The following CNBD1 variants were observed in gnomAD, a reference collection of about 807,000 sequenced individuals.
The protein encoded by CNBD1 is cyclic nucleotide binding domain containing 1.
CNBD1 carries 71 observed loss-of-function variants against 54.4 expected under a neutral mutation model. The observed-to-expected ratio is 1.30, with a 90% CI of 1.08 to 1.59. The LOEUF (loss-of-function observed/expected upper bound fraction) is 1.59, where lower values mean the gene tolerates loss of function less well. Ranked by LOEUF, CNBD1 falls within the 40% of genes most tolerant of loss-of-function variation. CNBD1 has a pLI of 0.00. For missense variants in CNBD1, 659 were observed against 518.0 expected (o/e 1.27, Z -2.64); for synonymous variants, 182 against 170.7 (o/e 1.07, Z -0.51).
At chr8:87,331,090 G>C (rs949333036) in intron 8 of CNBD1, among the ~76,000 whole-genome samples, 2 of 151,992 alleles carry the variant, frequency 1.3e-5, no homozygotes, top group Non-Finnish European at 2.9e-5. Flanking sequence ...GGATACATGT[G>C]CAGAACATGA....
chr8:87,197,903 C>A (rs1046823044), intron 4 of CNBD1, among the ~76,000 whole-genome samples: 1 of 152,026 alleles, frequency 6.6e-6, no homozygotes, highest in Non-Finnish European at 1.5e-5. Context: ...ACAGGTTGAC[C>A]TTTATCTGTG....
intron 4 of CNBD1, among the ~76,000 whole-genome samples, chr8:87,173,949 T>A (rs1386605561): frequency 6.6e-6 from 1 of 151,354 alleles, no homozygotes; most frequent in Non-Finnish European, 1.5e-5. Flanking sequence ...TGTTTCTTTT[T>A]ATTTATTTAT....
intron 1 of CNBD1, among the ~76,000 whole-genome samples, chr8:86,870,985 T>A (rs1808436103): frequency 6.6e-6 from 1 of 152,214 alleles, no homozygotes; most frequent in Admixed American, 6.5e-5. Flanking sequence ...CCTTAATTTT[T>A]TAGGATAAAA....
chr8:87,277,493 C>T (rs1481669363), intron 6 of CNBD1, among the ~76,000 whole-genome samples: 1 of 151,722 alleles, frequency 6.6e-6, no homozygotes, highest in African/African-American at 2.4e-5. Flanking sequence ...CAAATTGACA[C>T]ATAAAATGAA....
chr8:87,053,373 G>A (rs1264099617), intron 4 of CNBD1, among the ~76,000 whole-genome samples: 1 of 152,214 alleles, frequency 6.6e-6, no homozygotes, highest in African/African-American at 2.4e-5. Flanking sequence ...TTTTTCTTCA[G>A]GGTCTGATGA....
intron 8 of CNBD1, among the ~76,000 whole-genome samples, chr8:87,294,032 G>T (rs571138875): frequency 6.6e-6 from 1 of 152,100 alleles, no homozygotes. Flanking sequence ...ATCATTAAAG[G>T]TTTTGAATAA....
chr8:87,234,999 G>C (rs1219072456), intron 5 of CNBD1, among the ~76,000 whole-genome samples: 1 of 152,164 alleles, frequency 6.6e-6, no homozygotes, highest in African/African-American at 2.4e-5. Flanking sequence ...AGCACTTGCT[G>C]TTTCACCTTG....
chr8:87,275,873 A>T (rs984159371), intron 6 of CNBD1, among the ~76,000 whole-genome samples: 4 of 151,938 alleles, frequency 2.6e-5, no homozygotes, highest in Non-Finnish European at 5.9e-5. Flanking sequence ...ACTTCAGCAA[A>T]GTCTCAGGAT....
chr8:87,096,191 A>G (rs1316955390), intron 4 of CNBD1, among the ~76,000 whole-genome samples: 2 of 152,186 alleles, frequency 1.3e-5, no homozygotes, highest in Non-Finnish European at 2.9e-5. Flanking sequence ...AACTTAAACA[A>G]TAGAAATTTA....
At chr8:87,028,999 A>G (rs1316286307) in intron 4 of CNBD1, among the ~76,000 whole-genome samples, 2 of 152,226 alleles carry the variant, frequency 1.3e-5, no homozygotes, top group Non-Finnish European at 2.9e-5. Context: ...GTGAGGTGAT[A>G]TCTCTTTGCT....
intron 10 of CNBD1, among the ~76,000 whole-genome samples, chr8:87,371,443 C>T (rs185489043): frequency 1.4e-4 from 22 of 152,066 alleles, no homozygotes; most frequent in African/African-American, 3.9e-4. Context: ...AGGTCCTTCA[C>T]GTCCCTTGTA....
intron 6 of CNBD1, among the ~76,000 whole-genome samples, chr8:87,278,745 T>C (rs868694008): frequency 1.6e-4 from 25 of 151,516 alleles, no homozygotes; most frequent in African/African-American, 5.8e-4. Flanking sequence ...AACTTCTTGG[T>C]GAATATGTGG....
intron 5 of CNBD1, among the ~76,000 whole-genome samples, chr8:87,215,356 G>A (rs535456054): frequency 6.6e-6 from 1 of 152,184 alleles, no homozygotes; most frequent in Admixed American, 6.5e-5. Context: ...GATGCATAAG[G>A]TGGGCGGATC....
intron 8 of CNBD1, among the ~76,000 whole-genome samples, chr8:87,305,021 C>A (rs1407833496): frequency 6.6e-6 from 1 of 152,066 alleles, no homozygotes; most frequent in Non-Finnish European, 1.5e-5. Flanking sequence ...AAGGATTCCT[C>A]CAGAAAGCTC....
chr8:87,061,421 G>A (rs1480404096), intron 4 of CNBD1, among the ~76,000 whole-genome samples: 1 of 152,160 alleles, frequency 6.6e-6, no homozygotes, highest in East Asian at 1.9e-4. Context: ...CCCATAAGGA[G>A]CTAATTTACT....
intron 1 of CNBD1, among the ~76,000 whole-genome samples, chr8:86,875,685 C>T (rs376225943): frequency 2.4e-4 from 37 of 152,160 alleles, no homozygotes; most frequent in African/African-American, 8.9e-4. Context: ...GCTATTGCCT[C>T]TGGTGTTTCA....
intron 4 of CNBD1, among the ~76,000 whole-genome samples, chr8:87,089,047 C>T (rs1811154513): frequency 6.6e-6 from 1 of 151,978 alleles, no homozygotes; most frequent in African/African-American, 2.4e-5. Flanking sequence ...ACTAGTTGGG[C>T]TAGGCTTTAC....
chr8:87,244,791 A>C (rs1352796700), intron 6 of CNBD1, among the ~76,000 whole-genome samples: 1 of 152,182 alleles, frequency 6.6e-6, no homozygotes, highest in African/African-American at 2.4e-5. Context: ...AATTAAATTA[A>C]ATCCAGTTAA....
At chr8:87,382,579 T>C in intron 10 of CNBD1, 41 bp from the exon 11 acceptor site, 1 of 1,504,746 alleles carries the variant, frequency 6.6e-7, no homozygotes, top group Non-Finnish European at 9.0e-7. Flanking sequence ...AAAATGAGTA[T>C]TTATTATGTA....
Sources: allele counts gnomAD v4.1 joint callset (sites outside exome capture counted in the v4.1 genomes callset), GRCh38; gene constraint gnomAD v4.1.1; transcripts MANE v1.5; gene names NCBI Gene and HGNC (gene_info 2026-07-23, HGNC 2026-07-21).